GART: variants seen among roughly 807,000 people sequenced by gnomAD.
GART encodes trifunctional purine biosynthetic protein adenosine-3.
In GART, 43 loss-of-function variants were observed where a neutral mutation model predicts 107.2. The observed-to-expected ratio is 0.40, with a 90% CI of 0.31 to 0.52. GART has a LOEUF of 0.52. Among genes scored for constraint, GART ranks in the 20% least tolerant of loss-of-function variants. The pLI, the probability that GART is intolerant of heterozygous loss-of-function variation, is 0.52. For missense variants in GART, 1,107 were observed against 1,206.5 expected (o/e 0.92, Z 1.22); for synonymous variants, 434 against 427.0 (o/e 1.02, Z -0.20).
intron 18 of GART, among the ~76,000 whole-genome samples, chr21:33,508,682 A>G (rs1186107440): frequency 6.6e-6 from 1 of 151,732 alleles, no homozygotes; most frequent in East Asian, 1.9e-4. Context: ...ATGCCCAGCT[A>G]ATTTTTGTAT....
chr21:33,533,464 T>A (rs1052800093), intron 4 of GART, among the ~76,000 whole-genome samples: 14 of 146,776 alleles, frequency 9.5e-5, no homozygotes, highest in East Asian at 2.0e-4. Context: ...AATAAATAAA[T>A]AAAAATAAAA....
At chr21:33,531,317 G>T in intron 6 of GART, 172 bp downstream of exon 6, 1 of 643,080 alleles carries the variant, frequency 1.6e-6, no homozygotes, top group Non-Finnish European at 2.7e-6. Flanking sequence ...ACAGAGGATC[G>T]ATTATTTTTT....
chr21:33,512,278 C>T (rs780070270), intron 16 of GART, among the ~76,000 whole-genome samples: 28 of 124,766 alleles, frequency 2.2e-4, no homozygotes, highest in Non-Finnish European at 3.6e-4. Flanking sequence ...AGTGAGACTC[C>T]GACTCAAATT....
intron 4 of GART, among the ~76,000 whole-genome samples, chr21:33,533,412 T>C (rs906206444): frequency 1.4e-5 from 2 of 145,770 alleles, no homozygotes; most frequent in African/African-American, 2.6e-5. Flanking sequence ...GCCACTGCAG[T>C]CCGGCCTGGG....
At chr21:33,528,103 G>T in intron 10 of GART, 64 bp downstream of exon 10, 2 of 1,466,042 alleles carry the variant, frequency 1.4e-6, no homozygotes, top group South Asian at 1.2e-5. Flanking sequence ...GTGTGAGAGG[G>T]GGGTCTGCTG....
At position 33,511,359 on chromosome 21, in the gene GART, C is replaced by G. The variant is rs1442108843; in HGVS notation, c.2207G>C (p.Gly736Ala). 6.2e-7 allele frequency: 1 copy of G among 1,614,044 alleles called. No individual in the cohort carries two copies. Among genetic ancestry groups the G allele is most frequent in the Non-Finnish European group, 8.5e-7 (1 of 1,180,042 alleles). ...EMARTFNCGV[G>A]AVLVVSKEQT... ...CTCCTTTGATACCACAAGGACAGCG[C>G]CAACCCCACAGTTAAATGTTCTGGC... is the stretch of plus-strand genomic sequence containing the variant. The change falls in exon 17 of 22, where the codon GGC becomes GCC. Residue 736 changes from glycine (G) to alanine (A), a missense_variant. Coordinates refer to ENST00000381815, the MANE Select transcript of GART (RefSeq NM_000819.5).
intron 5 of GART, chr21:33,531,934 T>G: frequency 4.1e-6 from 1 of 244,784 alleles, no homozygotes; most frequent in Non-Finnish European, 7.9e-6. Context: ...GAAAGTAGAC[T>G]TCTACAAGGA....
chr21:33,535,074 A>G, intron 3 of GART, 151 bp downstream of exon 3: 1 of 542,054 alleles, frequency 1.8e-6, no homozygotes, highest in Non-Finnish European at 3.0e-6. Context: ...GCTTGGGAAA[A>G]AAAATCTAGA....
rs745745847 is a variant in GART at position 33,504,534 on chromosome 21, AT to A, written c.2726-8del. 10 of 1,593,292 alleles carry A rather than the reference AT, an allele frequency of 6.3e-6. No individual in the cohort carries two copies. In the Admixed American group the frequency reaches 1.7e-4, roughly 27 times the overall value. The stretch of plus-strand genomic sequence containing the variant: ...TGGATATTGAGCATTTTTCCTAAAA[AT>A]TAAAAAAAGCATAGTGGTCAGAATT... On this transcript the variant is annotated splice_polypyrimidine_tract_variant and splice_region_variant and intron_variant, in intron 20 of 21. Transcript: ENST00000381815.
chr21:33,539,380 A>C lies in GART; in HGVS notation c.-41-24T>G, dbSNP rs575683306. The C allele has an allele frequency of 2.2e-4, 346 of 1,543,718 alleles. 1 individual carries two copies. The highest frequency in any genetic ancestry group is 2.8e-4 in the Non-Finnish European group (325 of 1,143,340). ...ACCTGCAGAAAGAAAACCACAGTTT[A>C]TATCTTAGGATGCACATTTTAGAAA... On this transcript the variant is annotated intron_variant, in intron 1 of 21. Coordinates refer to ENST00000381815, the MANE Select transcript of GART (RefSeq NM_000819.5).
At chr21:33,504,561 T>C in intron 20 of GART, 34 bp from the exon 21 acceptor site, 1 of 1,463,080 alleles carries the variant, frequency 6.8e-7, no homozygotes, top group Non-Finnish European at 9.5e-7. Context: ...GGTCAGAATT[T>C]AAAAATCCTG....
At chr21:33,512,063 A>G (rs2084793895) in intron 16 of GART, among the ~76,000 whole-genome samples, 1 of 151,992 alleles carries the variant, frequency 6.6e-6, no homozygotes, top group Admixed American at 6.6e-5. Context: ...AGGTGGGCGG[A>G]TCACGAGGTC....
intron 4 of GART, among the ~76,000 whole-genome samples, chr21:33,533,895 G>A (rs2085248126): frequency 6.7e-6 from 1 of 150,170 alleles, no homozygotes. Context: ...ACAGAGAGAG[G>A]CCCCGTCTCA....
In GART at chr21:33,532,336, C is replaced by A; in HGVS notation, c.528+9G>T. 1 of 1,600,324 alleles carries A rather than the reference C, an allele frequency of 6.2e-7. No individual in the cohort carries two copies. The highest frequency in any genetic ancestry group is 8.6e-7 in the Non-Finnish European group (1 of 1,169,306). Reference sequence around the variant, plus strand: ...AGAAAAGTAAATTTTTTCAGAAGACCCAGCCTACCTGCATGATCTCTTGTA... The same window carrying A: ...AGAAAAGTAAATTTTTTCAGAAGACACAGCCTACCTGCATGATCTCTTGTA... On this transcript the variant is annotated intron_variant, in intron 5 of 21. Coordinates refer to ENST00000381815, the MANE Select transcript of GART (RefSeq NM_000819.5).
intron 20 of GART, 59 bp downstream of exon 20, chr21:33,505,502 T>C: frequency 3.4e-6 from 5 of 1,455,074 alleles, no homozygotes; most frequent in Non-Finnish European, 4.6e-6. Flanking sequence ...GCAAGTTATC[T>C]GTTCTGGAGA....
chr21:33,507,600 C>T (rs1445495400), intron 18 of GART, among the ~76,000 whole-genome samples: 1 of 152,166 alleles, frequency 6.6e-6, no homozygotes, highest in Admixed American at 6.5e-5. Flanking sequence ...GCAGGCGGAT[C>T]ATACTGAGGT....
Position 33,534,755 on chromosome 21 carries a change from TA to T in GART, c.242-3del. 1 of 1,568,464 alleles carries T rather than the reference TA, an allele frequency of 6.4e-7. No individual in the cohort carries two copies. Among genetic ancestry groups the T allele is most frequent in the South Asian group, 1.2e-5 (1 of 83,130 alleles). Reference sequence around the variant, plus strand: ...CAGACCTCAGGTTCCCAACAATCCCTATTGATGAAAACAGTAGCCTTAGGTG... The same window carrying T: ...CAGACCTCAGGTTCCCAACAATCCCTTTGATGAAAACAGTAGCCTTAGGTG... On this transcript the variant is annotated splice_region_variant and splice_polypyrimidine_tract_variant and intron_variant, in intron 3 of 21. Transcript: ENST00000381815.
chr21:33,510,306 T>C (rs1800844861), intron 17 of GART: 1 of 159,598 alleles, frequency 6.3e-6, no homozygotes, highest in African/African-American at 2.4e-5. Flanking sequence ...AGGCTTGATA[T>C]GCGATGTTAA....
At chr21:33,525,458 C>T (rs746635750) in intron 10 of GART, among the ~76,000 whole-genome samples, 10 of 152,182 alleles carry the variant, frequency 6.6e-5, no homozygotes, top group African/African-American at 1.2e-4. Flanking sequence ...TTTTTTGAGA[C>T]GGAGTCTCAC....
Sources: gnomAD v4.1 joint callset for allele counts (sites outside exome capture counted in the v4.1 genomes callset) on GRCh38, gnomAD v4.1.1 for gene constraint, MANE v1.5 for transcripts, NCBI Gene and HGNC (gene_info 2026-07-23, HGNC 2026-07-21) for gene names.